Variants in ANKFN1 observed in about 807,000 individuals in gnomAD.
The protein encoded by ANKFN1 is ankyrin repeat and fibronectin type-III domain-containing protein 1.
A neutral mutation model predicts 108.7 loss-of-function variants in ANKFN1; 74 were observed. The observed-to-expected ratio is 0.68, with a 90% CI of 0.56 to 0.83. ANKFN1 has a LOEUF of 0.83. Among genes scored for constraint, ANKFN1 ranks in the 40% least tolerant of loss-of-function variants. The probability of loss-of-function intolerance (pLI) is 0.00; values close to 1 mark genes in which losing one functional copy is unlikely to be tolerated. For missense variants in ANKFN1, 1,505 were observed against 1,382.3 expected, an observed-to-expected ratio of 1.09 and a Z score of -1.41; for synonymous variants, 547 against 516.2, an observed-to-expected ratio of 1.06 and a Z score of -0.81.
intron 3 of ANKFN1, among the ~76,000 whole-genome samples, chr17:56,301,084 T>C (rs1598376028): frequency 6.6e-6 from 1 of 152,224 alleles, no homozygotes; most frequent in South Asian, 2.1e-4. Context: ...TTGGTGAAGA[T>C]GACATTCCTC....
Position 56,514,238 on chromosome 17 carries a change from CAT to C in ANKFN1, c.*2972_*2973del, listed in dbSNP as rs1343222843. On this transcript the variant is annotated 3_prime_UTR_variant, in exon 21 of 21. Coordinates refer to ENST00000682825, the MANE Select transcript of ANKFN1 (RefSeq NM_001370326.1). ...CAAAAATCCTTGACTGAGGTTCTCCCATATGTCTATCTCAATTCTAAGTCCCA... is the reference window on the plus strand; with the variant it reads ...CAAAAATCCTTGACTGAGGTTCTCCCATGTCTATCTCAATTCTAAGTCCCA... Among the ~76,000 whole-genome samples the C allele has an allele frequency of 6.6e-6, 1 of 152,108 alleles. No homozygotes were observed. Among genetic ancestry groups the C allele is most frequent in the Non-Finnish European group, 1.5e-5 (1 of 68,026 alleles).
chr17:56,240,144 G>T (rs929327869), intron 3 of ANKFN1, among the ~76,000 whole-genome samples: 1 of 151,938 alleles, frequency 6.6e-6, no homozygotes, highest in African/African-American at 2.4e-5. Flanking sequence ...ATATAATTAA[G>T]TCTTCATATG....
chr17:56,441,821 A>G (rs2049115251), intron 9 of ANKFN1, among the ~76,000 whole-genome samples: 1 of 152,152 alleles, frequency 6.6e-6, no homozygotes, highest in Admixed American at 6.5e-5. Context: ...ATAGAAACCC[A>G]TTTTCAACAT....
intron 3 of ANKFN1, among the ~76,000 whole-genome samples, chr17:56,230,280 A>G (rs1916634362): frequency 6.6e-6 from 1 of 152,132 alleles, no homozygotes; most frequent in South Asian, 2.1e-4. Flanking sequence ...GCTAAGTCCC[A>G]GTTCACTCCT....
chr17:56,209,912 T>C (rs1200153916), intron 1 of ANKFN1, among the ~76,000 whole-genome samples: 1 of 152,192 alleles, frequency 6.6e-6, no homozygotes, highest in Non-Finnish European at 1.5e-5. Flanking sequence ...AGTGAGAATA[T>C]ACAATGTTTG....
chr17:56,126,739 A>C (rs892848024), intron 4 of ANKFN1, among the ~76,000 whole-genome samples: 1 of 152,258 alleles, frequency 6.6e-6, no homozygotes, highest in African/African-American at 2.4e-5. Context: ...ACTTGCTCCC[A>C]AGCCCAATCA....
At chr17:56,221,496 A>G (rs1915890558) in intron 2 of ANKFN1, among the ~76,000 whole-genome samples, 1 of 152,342 alleles carries the variant, frequency 6.6e-6, no homozygotes, top group Non-Finnish European at 1.5e-5. Flanking sequence ...TGTACAAGAA[A>G]TTAATACTTT....
At chr17:56,060,790 C>T (rs775298322) in intron 4 of ANKFN1, among the ~76,000 whole-genome samples, 9 of 152,246 alleles carry the variant, frequency 5.9e-5, no homozygotes, top group East Asian at 3.9e-4. Context: ...CCAACTTGAT[C>T]GTGGTGTATA....
At chr17:56,187,350 G>C (rs1273353637) in intron 1 of ANKFN1, among the ~76,000 whole-genome samples, 1 of 152,144 alleles carries the variant, frequency 6.6e-6, no homozygotes, top group East Asian at 1.9e-4. Context: ...CATCATCACT[G>C]GCCATCAGAG....
chr17:56,419,644 C>A (rs2048341371), intron 8 of ANKFN1, among the ~76,000 whole-genome samples: 2 of 151,256 alleles, frequency 1.3e-5, no homozygotes, highest in South Asian at 2.1e-4. Flanking sequence ...AAATAAAAAA[C>A]AAAAAAATCA....
chr17:56,079,869 G>T (rs11650729), intron 4 of ANKFN1, among the ~76,000 whole-genome samples: 84,504 of 151,908 alleles, frequency 0.56, 24,955 homozygotes, highest in Non-Finnish European at 0.68. Context: ...CCTCTGTAAG[G>T]TGGGAGGTAC....
At chr17:56,092,414 A>G (rs1203289622) in intron 4 of ANKFN1, among the ~76,000 whole-genome samples, 1 of 150,220 alleles carries the variant, frequency 6.7e-6, no homozygotes, top group East Asian at 1.9e-4. Context: ...AGCTGGGACT[A>G]CAGGCACCCC....
chr17:56,463,559 T>C (rs775064184), intron 14 of ANKFN1, among the ~76,000 whole-genome samples: 5 of 152,156 alleles, frequency 3.3e-5, no homozygotes, highest in Non-Finnish European at 7.3e-5. Flanking sequence ...AAAGCCCACA[T>C]TGTTTTTCTT....
chr17:56,080,851 G>C (rs1177645580), intron 4 of ANKFN1, among the ~76,000 whole-genome samples: 2 of 152,156 alleles, frequency 1.3e-5, no homozygotes, highest in Non-Finnish European at 2.9e-5. Flanking sequence ...GTGCCACCTA[G>C]TTGCCCTTTA....
intron 3 of ANKFN1, among the ~76,000 whole-genome samples, chr17:56,231,460 C>T (rs1916731898): frequency 6.6e-6 from 1 of 152,180 alleles, no homozygotes; most frequent in Admixed American, 6.6e-5. Context: ...TATTCATCGC[C>T]TCTGGAAAGG....
At chr17:56,208,895 T>TTA (rs1226387690) in intron 1 of ANKFN1, among the ~76,000 whole-genome samples, 34 of 151,548 alleles carry the variant, frequency 2.2e-4, no homozygotes, top group African/African-American at 3.6e-4. Context: ...TATTATTATT[T>TTA]TTTTTTAAGA....
At position 56,372,719 on chromosome 17, in the gene ANKFN1, G is replaced by A. The variant is rs1461670855; in HGVS notation, c.675G>A (p.Leu225=). Residue 225 remains leucine, a synonymous_variant, in exon 7 of 21, where the codon CTG becomes CTA. Transcript: ENST00000682825. ...AAGCCCAGGAGAGGGTGAGTGAACTGTCTGCCCAGGTGGAGAATGAAGGAT... is the reference window on the plus strand; with the variant it reads ...AAGCCCAGGAGAGGGTGAGTGAACTATCTGCCCAGGTGGAGAATGAAGGAT... ...VQEAQERVSE[L]SAQVENEGFT... is the part of the protein sequence containing the mutation. 1 of 1,614,058 alleles carries A rather than the reference G, an allele frequency of 6.2e-7. No homozygotes were observed. The highest frequency in any genetic ancestry group is 8.5e-7 in the Non-Finnish European group (1 of 1,179,974).
intron 4 of ANKFN1, among the ~76,000 whole-genome samples, chr17:56,059,897 G>A (rs1034631846): frequency 7.9e-5 from 12 of 152,162 alleles, no homozygotes; most frequent in Non-Finnish European, 1.5e-4. Context: ...GCTTAGAATT[G>A]TCTTGGATAT....
intron 1 of ANKFN1, among the ~76,000 whole-genome samples, chr17:56,200,141 G>A (rs1221725710): frequency 6.6e-6 from 1 of 152,160 alleles, no homozygotes; most frequent in Middle Eastern, 3.2e-3. Flanking sequence ...AAAATGTTTT[G>A]AGGCTTAAGT....
Sources: gnomAD v4.1 joint callset for allele counts (sites outside exome capture counted in the v4.1 genomes callset) on GRCh38, gnomAD v4.1.1 for gene constraint, MANE v1.5 for transcripts, NCBI Gene and HGNC (gene_info 2026-07-23, HGNC 2026-07-21) for gene names.